Variants in ACBD6 observed in about 807,000 individuals in gnomAD.
The protein encoded by ACBD6 is acyl-CoA-binding domain-containing protein 6.
ACBD6 carries 28 observed loss-of-function variants against 37.2 expected under a neutral mutation model. That is an observed-to-expected ratio of 0.75 (90% CI 0.56 to 1.03). The LOEUF is 1.03. Ranked by LOEUF, ACBD6 falls within the 50% of genes least tolerant of loss-of-function variation. ACBD6 has a pLI of 0.00. For missense variants in ACBD6, 340 were observed against 337.4 expected, an observed-to-expected ratio of 1.01 and a Z score of -0.06; for synonymous variants, 113 against 126.8, an observed-to-expected ratio of 0.89 and a Z score of 0.73.
intron 2 of ACBD6, among the ~76,000 whole-genome samples, chr1:180,494,640 T>C (rs1346383115): frequency 6.6e-6 from 1 of 152,212 alleles, no homozygotes; most frequent in Non-Finnish European, 1.5e-5. Flanking sequence ...TGCTCTAGAA[T>C]GTAAAGTAAG....
chr1:180,405,896 G>A (rs2101963762), intron 5 of ACBD6, among the ~76,000 whole-genome samples: 1 of 151,950 alleles, frequency 6.6e-6, no homozygotes. Context: ...AAATTGAACC[G>A]CCATTTAAAA....
chr1:180,493,165 T>G (rs972587245), intron 2 of ACBD6, among the ~76,000 whole-genome samples: 5 of 146,688 alleles, frequency 3.4e-5, no homozygotes, highest in Admixed American at 2.1e-4. Flanking sequence ...GGAGAATTGC[T>G]TGAACCTGGG....
At chr1:180,491,041 T>TTATC (rs1356084271) in intron 3 of ACBD6, among the ~76,000 whole-genome samples, 2 of 151,754 alleles carry the variant, frequency 1.3e-5, no homozygotes, top group Admixed American at 1.3e-4. Flanking sequence ...CCAAAGTTGG[T>TTATC]TATCACTCCC....
At chr1:180,400,034 C>T (rs1000345146) in intron 5 of ACBD6, among the ~76,000 whole-genome samples, 2 of 152,084 alleles carry the variant, frequency 1.3e-5, no homozygotes, top group African/African-American at 4.8e-5. Flanking sequence ...ATCTCTCAGC[C>T]ACGTTCCTGA....
intron 3 of ACBD6, among the ~76,000 whole-genome samples, chr1:180,467,783 GTATGA>G (rs1382359811): frequency 6.6e-6 from 1 of 151,864 alleles, no homozygotes; most frequent in Non-Finnish European, 1.5e-5. Flanking sequence ...GTATTTCACT[GTATGA>G]TATATCATTA....
rs549320152 is a variant in ACBD6, at chr1:180,438,097, A to C, written c.385-7835T>G. Among the ~76,000 whole-genome samples, 98 of 152,326 alleles carry C rather than the reference A, an allele frequency of 6.4e-4. 1 individual carries two copies. The highest frequency in any genetic ancestry group is 3.3e-3 in the Admixed American group (51 of 15,304). ...ATCAGCAATAGCATTAGAGTCTCACAGGACTGTGAAGACTATTGTGAACTG... is the reference window on the plus strand; with the variant it reads ...ATCAGCAATAGCATTAGAGTCTCACCGGACTGTGAAGACTATTGTGAACTG... On this transcript the variant is annotated intron_variant, in intron 3 of 7. Transcript: ENST00000367595.
In ACBD6 at chr1:180,416,053, C is replaced by A. The variant is rs184176223; in HGVS notation, c.468-2582G>T. Reference sequence around the variant, plus strand: ...ACCAAAAAGAGAAGTTCAATAAATTCGCCAAAAATGCTACAAGGCTGAATG... The same window carrying A: ...ACCAAAAAGAGAAGTTCAATAAATTAGCCAAAAATGCTACAAGGCTGAATG... On this transcript the variant is annotated intron_variant, in intron 4 of 7. Transcript: ENST00000367595. 7.7e-4 allele frequency among the ~76,000 whole-genome samples: 117 copies of A among 152,176 alleles called. 1 individual carries two copies. Among genetic ancestry groups the A allele is most frequent in the African/African-American group, 2.8e-3 (116 of 41,510 alleles).
chr1:180,437,890 C>A (rs1054753677), intron 3 of ACBD6, among the ~76,000 whole-genome samples: 1 of 152,032 alleles, frequency 6.6e-6, no homozygotes, highest in African/African-American at 2.4e-5. Flanking sequence ...TTGTTCCAGC[C>A]ATAGGAAAAA....
intron 3 of ACBD6, among the ~76,000 whole-genome samples, chr1:180,446,016 T>G (rs12404209): frequency 0.096 from 14,512 of 151,738 alleles, 1,003 homozygotes; most frequent in East Asian, 0.36. Flanking sequence ...TACTTTTTTT[T>G]GGGGGGGATG....
At chr1:180,271,655 C>G in exon 14 of ACBD6, 5 of 1,401,228 alleles carry the variant, frequency 3.6e-6, no homozygotes, top group Non-Finnish European at 5.0e-6. Flanking sequence ...AGGGCTTTTG[C>G]CAGAACTGAA....
intron 6 of ACBD6, among the ~76,000 whole-genome samples, chr1:180,387,661 T>C (rs770470365): frequency 5.3e-5 from 8 of 152,218 alleles, no homozygotes; most frequent in Non-Finnish European, 1.0e-4. Flanking sequence ...AGAGGATGTG[T>C]AGGCTTCCCT....
chr1:180,378,858 C>T (rs1052016355), intron 6 of ACBD6, among the ~76,000 whole-genome samples: 4 of 152,276 alleles, frequency 2.6e-5, no homozygotes, highest in African/African-American at 9.6e-5. Flanking sequence ...CAGTGGGGAC[C>T]CTCTGCTTGG....
At chr1:180,435,642 T>C (rs1481256973) in intron 3 of ACBD6, 4 of 1,012,754 alleles carry the variant, frequency 3.9e-6, no homozygotes, top group Non-Finnish European at 6.3e-6. Context: ...CACACTAATA[T>C]GAATGACGGG....
At chr1:180,349,120 CTTAAT>C (rs928334646) in intron 6 of ACBD6, among the ~76,000 whole-genome samples, 40 of 151,844 alleles carry the variant, frequency 2.6e-4, no homozygotes, top group African/African-American at 8.4e-4. Flanking sequence ...CTTTATTTAA[CTTAAT>C]TTTTCTTATA....
At chr1:180,488,443 G>A (rs146249089) in intron 3 of ACBD6, among the ~76,000 whole-genome samples, 71 of 152,168 alleles carry the variant, frequency 4.7e-4, no homozygotes, top group African/African-American at 1.6e-3. Context: ...TTTTTTACAC[G>A]TATACATACA....
intron 3 of ACBD6, among the ~76,000 whole-genome samples, chr1:180,471,982 C>T (rs939910543): frequency 2.6e-5 from 4 of 152,150 alleles, no homozygotes; most frequent in Non-Finnish European, 4.4e-5. Context: ...AATCTCTCTC[C>T]CACACATGCA....
chr1:180,454,060 T>C (rs991774848), intron 3 of ACBD6, among the ~76,000 whole-genome samples: 1 of 152,170 alleles, frequency 6.6e-6, no homozygotes, highest in African/African-American at 2.4e-5. Flanking sequence ...AGAGCCCATA[T>C]AGACAAGACA....
At chr1:180,320,365 G>C (rs1350796519) in intron 6 of ACBD6, among the ~76,000 whole-genome samples, 1 of 152,194 alleles carries the variant, frequency 6.6e-6, no homozygotes, top group African/African-American at 2.4e-5. Context: ...GGCCAAGCGT[G>C]TGGGTCACGC....
intron 5 of ACBD6, among the ~76,000 whole-genome samples, chr1:180,405,066 A>G (rs1043718009): frequency 6.6e-6 from 1 of 152,226 alleles, no homozygotes; most frequent in African/African-American, 2.4e-5. Flanking sequence ...TTAATCAACT[A>G]TATAACCAAA....
Sources: gnomAD v4.1 joint callset for allele counts (sites outside exome capture counted in the v4.1 genomes callset) on GRCh38, gnomAD v4.1.1 for gene constraint, MANE v1.5 for transcripts, NCBI Gene and HGNC (gene_info 2026-07-23, HGNC 2026-07-21) for gene names.